Variants in CD99L2 observed in about 807,000 individuals in gnomAD.
The protein encoded by CD99L2 is CD99 antigen-like protein 2.
Under a neutral mutation model 27.3 loss-of-function variants are expected in CD99L2, and 24 were observed. The ratio of observed to expected loss-of-function variants is 0.88; its 90% CI spans 0.64 to 1.24. The LOEUF (loss-of-function observed/expected upper bound fraction) is 1.24, where lower values mean the gene tolerates loss of function less well. CD99L2 is among the 50% of genes most tolerant of loss of function. CD99L2 has a pLI of 0.00. For missense variants in CD99L2, 255 were observed against 221.6 expected (o/e 1.15, Z -0.96); for synonymous variants, 97 against 87.9 (o/e 1.10, Z -0.58).
chrX:150,894,036 T>G (rs1403997888), intron 1 of CD99L2, among the ~76,000 whole-genome samples: 2 of 111,646 alleles, frequency 1.8e-5, no homozygotes, highest in Middle Eastern at 4.2e-3. Flanking sequence ...CTTTTTAAAG[T>G]GTACAATTCA....
intron 1 of CD99L2, among the ~76,000 whole-genome samples, chrX:150,832,233 A>G (rs1443005117): frequency 8.8e-6 from 1 of 113,229 alleles, no homozygotes; most frequent in East Asian, 2.7e-4. Context: ...GAAACTAGAA[A>G]TAAACAACAG....
At chrX:150,865,804 T>C (rs1557422014) in intron 1 of CD99L2, among the ~76,000 whole-genome samples, 1 of 112,007 alleles carries the variant, frequency 8.9e-6, no homozygotes, top group Non-Finnish European at 1.9e-5. Flanking sequence ...AAACTGAAGT[T>C]TGGGTAGTGG....
intron 2 of CD99L2, 62 bp downstream of exon 2, chrX:150,831,169 G>T: frequency 1.1e-6 from 1 of 882,896 alleles, no homozygotes; most frequent in Non-Finnish European, 1.6e-6. Context: ...TATATTCTGA[G>T]TGGATGATAC....
rs1195826092 is a variant in CD99L2 at position 150,768,351 on chromosome X, T to C, written c.*683A>G. 8.9e-6 allele frequency: 1 copy of C among 112,568 alleles called. No homozygotes were observed. Among genetic ancestry groups the C allele is most frequent in the Non-Finnish European group, 1.9e-5 (1 of 53,308 alleles). 9.3% of individuals were successfully genotyped at this position (112,568 alleles called of 1,213,427 possible). A position where few individuals can be genotyped will look rare whatever the true frequency, so the allele number is the denominator to read the frequency against. On this transcript the variant is annotated 3_prime_UTR_variant, in exon 11 of 11. Coordinates refer to ENST00000370377, the MANE Select transcript of CD99L2 (RefSeq NM_031462.4). ...ATTGCTTCATACTTATCCGGAAGAT[T>C]CCTAAGCTCTCAAGGCAGGACTATC...
At chrX:150,828,282 G>A (rs1405152445) in intron 2 of CD99L2, 1 of 111,823 alleles carries the variant, frequency 8.9e-6, no homozygotes, top group Non-Finnish European at 1.9e-5. Context: ...ACAACAGTAA[G>A]GCTAATGCTT....
chrX:150,793,635 A>G, intron 7 of CD99L2, 56 bp downstream of exon 7: 1 of 1,012,735 alleles, frequency 9.9e-7, no homozygotes, highest in Admixed American at 3.1e-5. Flanking sequence ...TGGTTGCTGC[A>G]TAATCACCTT....
intron 2 of CD99L2, among the ~76,000 whole-genome samples, chrX:150,822,604 TC>T (rs1290251989): frequency 8.9e-6 from 1 of 111,778 alleles, no homozygotes; most frequent in Non-Finnish European, 1.9e-5. Context: ...TGTACTGTAT[TC>T]GGAATTTTTG....
In CD99L2 at chrX:150,814,926, C is replaced by T. The variant is rs141111348; in HGVS notation, c.213G>A (p.Leu71=). 120 of 1,209,473 alleles carry T rather than the reference C, an allele frequency of 9.9e-5. No individual in the cohort carries two copies. The highest frequency in any genetic ancestry group is 1.8e-4 in the East Asian group (6 of 33,761). Residue 71 remains leucine, a synonymous_variant, in exon 4 of 11, where the codon TTG becomes TTA. Coordinates refer to ENST00000370377, the MANE Select transcript of CD99L2 (RefSeq NM_031462.4). ...RAPAKPPGSG[L]DLADALDDQD... is the part of the protein sequence containing the mutation. ...GATCATCCAAAGCATCAGCCAAGTC[C>T]AATCCACTACCTTCAGTGGGCCCCA...
rs1441381621 is a variant in CD99L2, at chrX:150,793,696, C to T, written c.491G>A (p.Gly164Asp). 1.7e-6 allele frequency: 2 copies of T among 1,191,957 alleles called. No individual in the cohort carries two copies. The highest frequency in any genetic ancestry group is 2.3e-6 in the Non-Finnish European group (2 of 886,914). The change falls in exon 7 of 11, where the codon GGT (glycine) becomes GAT (aspartate). Residue 164 changes from glycine to aspartate, a missense_variant. By Grantham distance (94) the Gly-to-Asp change is moderately conservative. Coordinates refer to ENST00000370377, the MANE Select transcript of CD99L2 (RefSeq NM_031462.4). ...VGGGEYKPDK[G>D]KGDGRYGSND... is the part of the protein sequence containing the mutation. ...GCACAAATCAATGCTCCTACCTTTACCCTTGTCAGGTTTGTATTCTCCACC... is the reference window on the plus strand; with the variant it reads ...GCACAAATCAATGCTCCTACCTTTATCCTTGTCAGGTTTGTATTCTCCACC...
rs577085368 is a variant in CD99L2 at position 150,875,187 on chromosome X, G to A, written c.67+23335C>T. 2.1e-4 allele frequency among the ~76,000 whole-genome samples: 24 copies of A among 111,878 alleles called. No individual in the cohort carries two copies. The South Asian group carries it at 7.5e-3, about 35-fold the overall frequency. On this transcript the variant is annotated intron_variant, in intron 1 of 10. Coordinates refer to ENST00000370377, the MANE Select transcript of CD99L2 (RefSeq NM_031462.4). ...ATATTATTTAATTGAAATTTTTATT[G>A]AGATAATTACAGATTCACAGACAGG...
In CD99L2 at chrX:150,842,584, T is replaced by C. The variant is rs782720718; in HGVS notation, c.68-11291A>G. On this transcript the variant is annotated intron_variant, in intron 1 of 10. Transcript: ENST00000370377. ...TAATTATTCATTCCCTCCTCTGTTG[T>C]TGCTATCCACTCCACTCAGTTCATC... 3.6e-3 allele frequency among the ~76,000 whole-genome samples: 401 copies of C among 111,938 alleles called. 2 individuals are homozygous for C. Among genetic ancestry groups the C allele is most frequent in the Non-Finnish European group, 6.0e-3 (321 of 53,187 alleles).
intron 1 of CD99L2, among the ~76,000 whole-genome samples, chrX:150,849,294 G>A (rs1314015608): frequency 9.0e-6 from 1 of 111,709 alleles, no homozygotes; most frequent in East Asian, 2.8e-4. Flanking sequence ...GCTCATGACT[G>A]TAATCTCAGC....
intron 7 of CD99L2, among the ~76,000 whole-genome samples, chrX:150,789,877 C>T (rs1011286749): frequency 1.8e-5 from 2 of 111,591 alleles, no homozygotes; most frequent in Non-Finnish European, 1.9e-5. Flanking sequence ...AGAGTGAGAT[C>T]CTATCTCAAA....
chrX:150,801,080 G>A (rs1046612873), intron 4 of CD99L2, among the ~76,000 whole-genome samples: 1 of 110,067 alleles, frequency 9.1e-6, no homozygotes, highest in Non-Finnish European at 1.9e-5. Flanking sequence ...CAACCTCCAG[G>A]ACTTGGTGAT....
rs1048116126 is a variant in CD99L2 at position 150,777,274 on chromosome X, C to A, written c.535+170G>T. 1.1e-5 allele frequency: 6 copies of A among 533,291 alleles called. No homozygotes were observed. The East Asian group carries it at 2.2e-4, about 20-fold the overall frequency. The allele number at this position is 533,291 out of a possible 1,213,427, so 43.9% of individuals were successfully genotyped here. ...CTTTGTAGGCAAATTGTGAGGGAGG[C>A]GTGCAGCTTTTTCCATCTTTGCAGC... On this transcript the variant is annotated intron_variant, in intron 8 of 10. Transcript: ENST00000370377.
intron 4 of CD99L2, among the ~76,000 whole-genome samples, chrX:150,804,219 C>A (rs1557420170): frequency 8.9e-6 from 1 of 112,055 alleles, no homozygotes; most frequent in Non-Finnish European, 1.9e-5. Context: ...GTCTTTTCCA[C>A]CCACAATGGT....
At chrX:150,836,966 C>A (rs1196945005) in intron 1 of CD99L2, among the ~76,000 whole-genome samples, 4 of 112,150 alleles carry the variant, frequency 3.6e-5, no homozygotes, top group African/African-American at 1.3e-4. Flanking sequence ...CACCATGTGG[C>A]ACGTGACTAT....
intron 1 of CD99L2, among the ~76,000 whole-genome samples, chrX:150,836,886 G>A (rs1367945031): frequency 9.0e-6 from 1 of 111,731 alleles, no homozygotes; most frequent in African/African-American, 3.3e-5. Flanking sequence ...CACAGAAAAG[G>A]CACAGTAAAA....
intron 1 of CD99L2, among the ~76,000 whole-genome samples, chrX:150,843,540 A>G (rs1468891122): frequency 1.8e-5 from 2 of 110,176 alleles, no homozygotes; most frequent in African/African-American, 6.6e-5. Flanking sequence ...AGTCCCAGCT[A>G]CTTGGGAGGC....
Sources: gnomAD v4.1 joint callset for allele counts (sites outside exome capture counted in the v4.1 genomes callset) on GRCh38, gnomAD v4.1.1 for gene constraint, MANE v1.5 for transcripts, NCBI Gene and HGNC (gene_info 2026-07-23, HGNC 2026-07-21) for gene names.